Variants in TRPS1 observed in about 807,000 individuals in gnomAD.
TRPS1 encodes zinc finger transcription factor Trps1.
In TRPS1, 6 loss-of-function variants were observed where a neutral mutation model predicts 101.2. That is an observed-to-expected ratio of 0.06 (90% CI 0.03 to 0.12). TRPS1 has a LOEUF of 0.12. Among genes scored for constraint, TRPS1 ranks in the 10% least tolerant of loss-of-function variants. The pLI, the probability that TRPS1 is intolerant of heterozygous loss-of-function variation, is 1.00. For synonymous variants in TRPS1, 578 were observed against 589.8 expected, an observed-to-expected ratio of 0.98 and a Z score of 0.29; for missense variants, 1,363 against 1,567.0, an observed-to-expected ratio of 0.87 and a Z score of 2.20.
chr8:115,417,837 T>C (rs1201788236), intron 6 of TRPS1, among the ~76,000 whole-genome samples: 1 of 152,190 alleles, frequency 6.6e-6, no homozygotes, highest in Non-Finnish European at 1.5e-5. Context: ...AGTTCAGAAC[T>C]GTCCTTCCGA....
chr8:115,466,097 T>C (rs1205434864), intron 5 of TRPS1, among the ~76,000 whole-genome samples: 1 of 152,092 alleles, frequency 6.6e-6, no homozygotes, highest in African/African-American at 2.4e-5. Context: ...CGCCTCAATA[T>C]TTTACATTTA....
intron 1 of TRPS1, among the ~76,000 whole-genome samples, chr8:115,627,245 C>A (rs1294318362): frequency 1.3e-5 from 2 of 151,662 alleles, no homozygotes. Context: ...GGAATAAGAT[C>A]ATAATTTCAC....
At chr8:115,428,948 C>T (rs1184839438) in intron 5 of TRPS1, among the ~76,000 whole-genome samples, 1 of 152,006 alleles carries the variant, frequency 6.6e-6, no homozygotes, top group Non-Finnish European at 1.5e-5. Flanking sequence ...GCTCTGTGAC[C>T]ACTATTGGTG....
intron 5 of TRPS1, among the ~76,000 whole-genome samples, chr8:115,568,459 CAA>C (rs1440104294): frequency 4.6e-5 from 7 of 151,920 alleles, no homozygotes; most frequent in African/African-American, 1.7e-4. Context: ...CTAATTTCCC[CAA>C]AGTTAAATTT....
chr8:115,623,644 T>TC lies in TRPS1; in HGVS notation c.-8_-7insG. ...CATTGACTTCATAAGGCATGTGGCTTTAGAGTGCTTTTTACAATTATTAAT... is the reference window on the plus strand; with the variant it reads ...CATTGACTTCATAAGGCATGTGGCTTCTAGAGTGCTTTTTACAATTATTAAT... On this transcript the variant is annotated 5_prime_UTR_variant, in exon 2 of 7. Coordinates refer to ENST00000395715, the MANE Select transcript of TRPS1 (RefSeq NM_014112.5). 6.3e-7 allele frequency: 1 copy of TC among 1,592,720 alleles called. No homozygotes were observed. Among genetic ancestry groups the TC allele is most frequent in the Non-Finnish European group, 8.6e-7 (1 of 1,168,218 alleles).
intron 5 of TRPS1, among the ~76,000 whole-genome samples, chr8:115,436,697 T>C (rs981967378): frequency 6.6e-6 from 1 of 152,152 alleles, no homozygotes; most frequent in Non-Finnish European, 1.5e-5. Context: ...TGTTACAAAT[T>C]ACCCTGGGAT....
chr8:115,593,937 T>C (rs140686900), intron 4 of TRPS1, among the ~76,000 whole-genome samples: 90 of 152,234 alleles, frequency 5.9e-4, no homozygotes, highest in Non-Finnish European at 1.1e-3. Flanking sequence ...GTATATGTAA[T>C]TACCCTAAGG....
chr8:115,535,943 T>C (rs967289516), intron 5 of TRPS1, among the ~76,000 whole-genome samples: 2 of 152,010 alleles, frequency 1.3e-5, no homozygotes, highest in Admixed American at 1.3e-4. Flanking sequence ...TGTGTGATAA[T>C]TACATTGCCC....
chr8:115,648,164 C>T (rs1811464799), intron 1 of TRPS1, among the ~76,000 whole-genome samples: 1 of 151,916 alleles, frequency 6.6e-6, no homozygotes, highest in Non-Finnish European at 1.5e-5. Context: ...GAGAGGAAGC[C>T]AAGTTGGGAA....
At chr8:115,571,932 A>T (rs1817212825) in intron 5 of TRPS1, among the ~76,000 whole-genome samples, 1 of 152,018 alleles carries the variant, frequency 6.6e-6, no homozygotes, top group African/African-American at 2.4e-5. Flanking sequence ...TATCTGAATA[A>T]ACGCTATTTA....
chr8:115,586,070 G>C (rs1008826615), intron 5 of TRPS1, among the ~76,000 whole-genome samples: 4 of 152,190 alleles, frequency 2.6e-5, no homozygotes, highest in African/African-American at 9.7e-5. Context: ...CTGGCTAATG[G>C]AACTCTATTT....
In TRPS1 at chr8:115,564,773, G is replaced by T. The variant is rs989012550; in HGVS notation, c.2700+22228C>A. On this transcript the variant is annotated intron_variant, in intron 5 of 6. Transcript: ENST00000395715. Reference sequence around the variant, plus strand: ...GATGAGGGGAGCATGTTTATCTACAGCAAGTAGTCAAAATACAGGAGTTGC... The same window carrying T: ...GATGAGGGGAGCATGTTTATCTACATCAAGTAGTCAAAATACAGGAGTTGC... Among the ~76,000 whole-genome samples, 16 of 152,148 alleles carry T rather than the reference G, an allele frequency of 1.1e-4. No homozygotes were observed. The Middle Eastern group carries it at 0.014, about 129-fold the overall frequency.
At chr8:115,485,645 T>C (rs887939817) in intron 5 of TRPS1, among the ~76,000 whole-genome samples, 4 of 151,952 alleles carry the variant, frequency 2.6e-5, no homozygotes, top group Non-Finnish European at 5.9e-5. Flanking sequence ...CGTGAGGGAA[T>C]GTTAAAAAAA....
chr8:115,446,354 A>C (rs1586281396), intron 5 of TRPS1, among the ~76,000 whole-genome samples: 1 of 148,450 alleles, frequency 6.7e-6, no homozygotes. Flanking sequence ...AAACCAACCC[A>C]AAAACTGTTT....
intron 5 of TRPS1, among the ~76,000 whole-genome samples, chr8:115,466,096 A>G (rs1167554198): frequency 6.6e-6 from 1 of 152,114 alleles, no homozygotes. Flanking sequence ...TCGCCTCAAT[A>G]TTTTACATTT....
intron 5 of TRPS1, among the ~76,000 whole-genome samples, chr8:115,507,211 A>C (rs1339435239): frequency 6.6e-6 from 1 of 152,098 alleles, no homozygotes; most frequent in African/African-American, 2.4e-5. Flanking sequence ...ACAGGCTGCA[A>C]GCTCGTTCGT....
At chr8:115,485,102 C>T (rs1814846023) in intron 5 of TRPS1, among the ~76,000 whole-genome samples, 1 of 152,112 alleles carries the variant, frequency 6.6e-6, no homozygotes, top group South Asian at 2.1e-4. Context: ...TCCAATTGGG[C>T]TTGATATACA....
chr8:115,486,467 A>G (rs1814882503), intron 5 of TRPS1, among the ~76,000 whole-genome samples: 1 of 152,230 alleles, frequency 6.6e-6, no homozygotes, highest in South Asian at 2.1e-4. Flanking sequence ...AAAAAACAGA[A>G]ATGATTAAGC....
chr8:115,583,922 CA>C (rs1817509152), intron 5 of TRPS1, among the ~76,000 whole-genome samples: 1 of 151,820 alleles, frequency 6.6e-6, no homozygotes, highest in African/African-American at 2.4e-5. Context: ...AGGAGAAAAC[CA>C]CTAATGTTAA....
Sources: gnomAD v4.1 joint callset for allele counts (sites outside exome capture counted in the v4.1 genomes callset) on GRCh38, gnomAD v4.1.1 for gene constraint, MANE v1.5 for transcripts, NCBI Gene and HGNC (gene_info 2026-07-23, HGNC 2026-07-21) for gene names.